Variants in TSHZ1 observed in about 807,000 individuals in gnomAD.
TSHZ1 encodes teashirt homolog 1.
In TSHZ1, 12 loss-of-function variants were observed where a neutral mutation model predicts 67.1. The ratio of observed to expected loss-of-function variants is 0.18; its 90% confidence interval spans 0.11 to 0.29. The LOEUF (loss-of-function observed/expected upper bound fraction) is 0.29. Among genes scored for constraint, TSHZ1 ranks in the 10% least tolerant of loss-of-function variants. TSHZ1 has a pLI of 1.00. For missense variants in TSHZ1, 1,305 were observed against 1,413.9 expected, an observed-to-expected ratio of 0.92 and a Z score of 1.23; for synonymous variants, 632 against 622.4, an observed-to-expected ratio of 1.02 and a Z score of -0.23.
rs563155210 is a variant in TSHZ1 at position 75,288,639 on chromosome 18, T to C, written c.3232T>C (p.Ter1078GlnextTer23). ...LIYVTELEKQ[*>Q] is the part of the protein sequence containing the mutation. ...CTATGTGACTGAGTTGGAGAAACAG[T>C]AGCGTCCAGGTATGCAAGAGACCGC... Residue 1078 changes from the stop codon to glutamine, a stop_lost, in exon 2 of 2, where the codon TAG becomes CAG. Coordinates refer to ENST00000580243, the MANE Select transcript of TSHZ1 (RefSeq NM_001308210.2). This position sits in a 1 kb window ranked among gnomAD's most constrained non-coding sequence, Gnocchi z 4.9. 3.8e-6 allele frequency: 6 copies of C among 1,588,676 alleles called. No individual in the cohort carries two copies. Among genetic ancestry groups the C allele is most frequent in the African/African-American group, 1.4e-5 (1 of 74,034 alleles).
intron 1 of TSHZ1, among the ~76,000 whole-genome samples, chr18:75,264,207 C>G (rs1409047670): frequency 6.6e-6 from 1 of 152,182 alleles, no homozygotes; most frequent in Non-Finnish European, 1.5e-5. Context: ...CTTTAAGTCC[C>G]TGCTTTTTGA....
intron 1 of TSHZ1, among the ~76,000 whole-genome samples, chr18:75,266,273 T>C (rs1430325888): frequency 1.3e-5 from 2 of 152,230 alleles, no homozygotes; most frequent in Admixed American, 1.3e-4. Flanking sequence ...AAGTTAGGAA[T>C]AGATCAAACA....
intron 1 of TSHZ1, among the ~76,000 whole-genome samples, chr18:75,225,106 C>A (rs912885246): frequency 6.6e-6 from 1 of 152,050 alleles, no homozygotes; most frequent in Admixed American, 6.5e-5. Flanking sequence ...TCTGGGCCCT[C>A]CTGCCATTTT....
intron 1 of TSHZ1, among the ~76,000 whole-genome samples, chr18:75,243,546 G>A (rs901075556): frequency 2.6e-5 from 4 of 152,176 alleles, no homozygotes; most frequent in African/African-American, 9.7e-5. Flanking sequence ...GAGGAGATCA[G>A]GGGCTTTGTG....
At chr18:75,221,934 T>C (rs962420375) in intron 1 of TSHZ1, among the ~76,000 whole-genome samples, 1 of 152,098 alleles carries the variant, frequency 6.6e-6, no homozygotes, top group Non-Finnish European at 1.5e-5. Context: ...TAGATTAATA[T>C]ATATGTATAT....
rs2022674475 is a variant in TSHZ1 at position 75,211,085 on chromosome 18, G to A, written c.-792G>A. 2.6e-5 allele frequency: 4 copies of A among 151,774 alleles called. No individual in the cohort carries two copies. The highest frequency in any genetic ancestry group is 5.9e-5 in the Non-Finnish European group (4 of 67,974). The allele number at this position is 151,774 out of a possible 1,614,324, so 9.4% of individuals were successfully genotyped here. On this transcript the variant is annotated 5_prime_UTR_variant, in exon 1 of 2. Transcript: ENST00000580243. ...GGCCAAAAATCCATGATCAAAATGT[G>A]TTTGCATTAGATTTCGCATTGGAAG...
chr18:75,288,251 G>A lies in TSHZ1; in HGVS notation c.2844G>A (p.Lys948=). ...TCAGCCACTGGCTGGCCAATGTGAA[G>A]TACCAGTTGAGGAGGACAGGGGGAA... is the stretch of plus-strand genomic sequence containing the variant. ...TTISHWLANV[K]YQLRRTGGTK... is the part of the protein sequence containing the mutation. The change falls in exon 2 of 2, where the codon AAG becomes AAA. Residue 948 remains lysine (K), a synonymous_variant. Coordinates refer to ENST00000580243, the MANE Select transcript of TSHZ1 (RefSeq NM_001308210.2). The surrounding 1 kb of genome is among the most constrained non-coding windows in gnomAD (Gnocchi z 4.9). 6.2e-7 allele frequency: 1 copy of A among 1,614,226 alleles called. No homozygotes were observed. Among genetic ancestry groups the A allele is most frequent in the Admixed American group, 1.7e-5 (1 of 60,030 alleles).
intron 1 of TSHZ1, 59 bp downstream of exon 1, chr18:75,211,975 G>T (rs546177772): frequency 1.1e-5 from 13 of 1,177,170 alleles, no homozygotes; most frequent in Non-Finnish European, 1.2e-5. Flanking sequence ...AGGAGGAGGG[G>T]GCTTCGCGGG....
In TSHZ1 at chr18:75,261,989, A is replaced by G. The variant is rs543107491; in HGVS notation, c.41-23459A>G. Reference sequence around the variant, plus strand: ...GTGACCTGTATTCTCTCCAGGAGACAGGGGTTGTGCCTGGTGTGACTTCAG... The same window carrying G: ...GTGACCTGTATTCTCTCCAGGAGACGGGGGTTGTGCCTGGTGTGACTTCAG... On this transcript the variant is annotated intron_variant, in intron 1 of 1. Coordinates refer to ENST00000580243, the MANE Select transcript of TSHZ1 (RefSeq NM_001308210.2). Among the ~76,000 whole-genome samples the G allele has an allele frequency of 2.6e-5, 4 of 152,322 alleles. No individual in the cohort carries two copies. In the East Asian group the frequency reaches 5.8e-4, roughly 22 times the overall value.
intron 1 of TSHZ1, among the ~76,000 whole-genome samples, chr18:75,267,528 C>T (rs917147824): frequency 5.3e-5 from 8 of 152,100 alleles, no homozygotes; most frequent in Admixed American, 5.2e-4. Flanking sequence ...CAATAGGCTT[C>T]GAGTGTCTCG....
At chr18:75,265,689 G>A (rs529125740) in intron 1 of TSHZ1, among the ~76,000 whole-genome samples, 1 of 152,238 alleles carries the variant, frequency 6.6e-6, no homozygotes, top group Admixed American at 6.5e-5. Flanking sequence ...GAAACATCCA[G>A]TGGATAAATC....
At chr18:75,240,729 G>GAC (rs1295486092) in intron 1 of TSHZ1, among the ~76,000 whole-genome samples, 3 of 152,138 alleles carry the variant, frequency 2.0e-5, no homozygotes, top group Non-Finnish European at 4.4e-5. Context: ...ATGTGCCTGT[G>GAC]ACTGCGTGGA....
intron 1 of TSHZ1, 142 bp downstream of exon 1, chr18:75,212,058 C>T (rs1280793062): frequency 1.8e-6 from 1 of 546,182 alleles, no homozygotes; most frequent in Non-Finnish European, 2.6e-6. Context: ...TGGCCACAGT[C>T]GTCTGGAGGC....
At chr18:75,233,200 T>C (rs2023022805) in intron 1 of TSHZ1, among the ~76,000 whole-genome samples, 1 of 152,248 alleles carries the variant, frequency 6.6e-6, no homozygotes, top group Admixed American at 6.5e-5. Context: ...ATCAGTTATA[T>C]CTGCAGTCTG....
chr18:75,247,313 A>T (rs1371178779), intron 1 of TSHZ1, among the ~76,000 whole-genome samples: 7 of 152,198 alleles, frequency 4.6e-5, no homozygotes. Flanking sequence ...CCAGAGGGCC[A>T]CACTGCTCCT....
chr18:75,270,466 AC>A (rs1343712956), intron 1 of TSHZ1, among the ~76,000 whole-genome samples: 2 of 152,264 alleles, frequency 1.3e-5, no homozygotes, highest in African/African-American at 4.8e-5. Context: ...TTATCCAAGA[AC>A]AAATAATTTT....
intron 1 of TSHZ1, among the ~76,000 whole-genome samples, chr18:75,240,072 G>A (rs1014214225): frequency 2.6e-5 from 4 of 152,192 alleles, no homozygotes; most frequent in African/African-American, 9.6e-5. Flanking sequence ...CCCAGTGATA[G>A]AATTTATCCT....
At chr18:75,272,109 G>A (rs560287732) in intron 1 of TSHZ1, among the ~76,000 whole-genome samples, 7 of 152,288 alleles carry the variant, frequency 4.6e-5, no homozygotes, top group East Asian at 1.9e-4. Flanking sequence ...AAATCATCTC[G>A]ACAGAGCAGA....
At chr18:75,242,936 A>C (rs1183111457) in intron 1 of TSHZ1, among the ~76,000 whole-genome samples, 3 of 152,202 alleles carry the variant, frequency 2.0e-5, no homozygotes, top group Non-Finnish European at 4.4e-5. Flanking sequence ...CCTCCTAGTG[A>C]ACATGTGTTG....
Sources: gnomAD v4.1 joint callset for allele counts (sites outside exome capture counted in the v4.1 genomes callset) on GRCh38, gnomAD v4.1.1 for gene constraint, Gnocchi (gnomAD v3.1) non-coding constraint, MANE v1.5 for transcripts, NCBI Gene and HGNC (gene_info 2026-07-23, HGNC 2026-07-21) for gene names.